Variants in IQUB observed in about 807,000 individuals in gnomAD.
IQUB encodes IQ motif and ubiquitin-like domain-containing protein.
IQUB carries 86 observed loss-of-function variants against 86.4 expected under a neutral mutation model. That is an observed-to-expected ratio of 1.00 (90% CI 0.84 to 1.19). IQUB has a LOEUF of 1.19. IQUB is among the 50% of genes most tolerant of loss of function. IQUB has a pLI of 0.00. For synonymous variants in IQUB, 289 were observed against 304.5 expected, an observed-to-expected ratio of 0.95 and a Z score of 0.53; for missense variants, 946 against 916.9, an observed-to-expected ratio of 1.03 and a Z score of -0.41.
Position 123,510,187 on chromosome 7 carries a change from A to AT in IQUB, c.398-153dup, listed in dbSNP as rs143063302. 8.9e-4 allele frequency: 491 copies of AT among 554,626 alleles called. 5 individuals carry two copies. The East Asian group carries it at 0.014, about 15-fold the overall frequency. 34.4% of individuals were successfully genotyped at this position (554,626 alleles called of 1,614,324 possible). ...AGTGTTTCCCTGCTGTGCCCCAATG[A>AT]TAACAGTTACTTTTAATTTTCTATA... On this transcript the variant is annotated intron_variant, in intron 2 of 12. Coordinates refer to ENST00000324698, the MANE Select transcript of IQUB (RefSeq NM_178827.5).
intron 7 of IQUB, among the ~76,000 whole-genome samples, chr7:123,488,203 C>T (rs1396219630): frequency 3.3e-5 from 5 of 151,548 alleles, no homozygotes; most frequent in Admixed American, 6.6e-5. Context: ...TATCCGGGCG[C>T]GGTGGCCGGC....
intron 1 of IQUB, among the ~76,000 whole-genome samples, chr7:123,526,490 G>A (rs889520316): frequency 1.3e-5 from 2 of 152,070 alleles, no homozygotes; most frequent in Non-Finnish European, 2.9e-5. Flanking sequence ...GTTGGTTTAA[G>A]GTCTGTTTTA....
chr7:123,464,759 T>C, intron 10 of IQUB, 74 bp downstream of exon 10: 3 of 1,020,686 alleles, frequency 2.9e-6, no homozygotes. Context: ...TAAAGCAAAA[T>C]TTGAATATAC....
chr7:123,452,654 T>G lies in IQUB; in HGVS notation c.*89A>C. The G allele has an allele frequency of 2.5e-6, 2 of 789,800 alleles. No individual in the cohort carries two copies. Among genetic ancestry groups the G allele is most frequent in the Non-Finnish European group, 1.9e-6 (1 of 532,674 alleles). 48.9% of individuals were successfully genotyped at this position (789,800 alleles called of 1,614,324 possible). On this transcript the variant is annotated 3_prime_UTR_variant, in exon 13 of 13. Coordinates refer to ENST00000324698, the MANE Select transcript of IQUB (RefSeq NM_178827.5). The stretch of plus-strand genomic sequence containing the variant: ...CAAAAAACAAAATCAATAAACAGAT[T>G]AAATTCCATTTCCATACTCTGTGAC...
rs764624584 is a variant in IQUB at position 123,502,990 on chromosome 7, G to T, written c.821C>A (p.Pro274His). 6.2e-7 allele frequency: 1 copy of T among 1,612,686 alleles called. No individual in the cohort carries two copies. The highest frequency in any genetic ancestry group is 1.3e-5 in the African/African-American group (1 of 74,894). The change falls in exon 5 of 13, where the codon CCT becomes CAT. Residue 274 changes from proline to histidine, a missense_variant. Coordinates refer to ENST00000324698, the MANE Select transcript of IQUB (RefSeq NM_178827.5). ...EYHNAGTQTV[P>H]KRIPERLSIF... is the part of the protein sequence containing the mutation. ...ACTGAGTCTTTCGGGAATCCTTTTA[G>T]GTACAGTTTGTGTTCCAGCATTGTG...
chr7:123,466,065 A>G (rs977466969), intron 9 of IQUB, among the ~76,000 whole-genome samples: 7 of 152,072 alleles, frequency 4.6e-5, no homozygotes, highest in Non-Finnish European at 1.0e-4. Context: ...TTATGTTTAT[A>G]TATGTGTGTG....
At chr7:123,481,324 G>C (rs995646861) in intron 7 of IQUB, among the ~76,000 whole-genome samples, 1 of 152,016 alleles carries the variant, frequency 6.6e-6, no homozygotes, top group African/African-American at 2.4e-5. Flanking sequence ...TTCTGTCCAT[G>C]TAAGTCAAGC....
At chr7:123,526,259 T>C (rs1584659361) in intron 1 of IQUB, among the ~76,000 whole-genome samples, 1 of 152,194 alleles carries the variant, frequency 6.6e-6, no homozygotes, top group East Asian at 1.9e-4. Context: ...GGTATCTTTG[T>C]TGACTTTCTG....
intron 8 of IQUB, among the ~76,000 whole-genome samples, chr7:123,471,358 C>T (rs1489207900): frequency 6.6e-6 from 1 of 152,080 alleles, no homozygotes; most frequent in African/African-American, 2.4e-5. Context: ...TATTTTAAAG[C>T]TCTTTTTAAA....
At chr7:123,468,690 T>C (rs1794374961) in intron 9 of IQUB, among the ~76,000 whole-genome samples, 1 of 152,250 alleles carries the variant, frequency 6.6e-6, no homozygotes, top group African/African-American at 2.4e-5. Flanking sequence ...TTCTGATTTC[T>C]CTACTGCCTC....
intron 1 of IQUB, among the ~76,000 whole-genome samples, chr7:123,529,906 G>T (rs1203294982): frequency 2.0e-5 from 3 of 151,990 alleles, no homozygotes; most frequent in East Asian, 3.9e-4. Context: ...GGTGGCATGT[G>T]CCTGTAATCC....
intron 12 of IQUB, among the ~76,000 whole-genome samples, chr7:123,454,789 G>A (rs1159637429): frequency 6.6e-6 from 1 of 152,042 alleles, no homozygotes; most frequent in Non-Finnish European, 1.5e-5. Flanking sequence ...TGGGTTTTGG[G>A]GAGGAAGACC....
chr7:123,462,852 AAAT>A (rs769419218), intron 10 of IQUB: 1 of 455,238 alleles, frequency 2.2e-6, no homozygotes, highest in Non-Finnish European at 4.4e-6. Context: ...TGCAAGAAAA[AAAT>A]AACTCATTCT....
At chr7:123,517,673 T>C (rs974773312) in intron 1 of IQUB, among the ~76,000 whole-genome samples, 1 of 151,958 alleles carries the variant, frequency 6.6e-6, no homozygotes, top group African/African-American at 2.4e-5. Flanking sequence ...CACAGGGAAC[T>C]GTCTTCCATG....
intron 1 of IQUB, among the ~76,000 whole-genome samples, chr7:123,514,431 G>A (rs936803626): frequency 2.0e-5 from 3 of 152,102 alleles, no homozygotes; most frequent in East Asian, 3.8e-4. Context: ...TGTCTGAAGT[G>A]CAACTTGGAA....
intron 7 of IQUB, among the ~76,000 whole-genome samples, chr7:123,491,614 T>G (rs1795468616): frequency 1.3e-5 from 2 of 152,124 alleles, no homozygotes; most frequent in African/African-American, 4.8e-5. Context: ...TTAAAGACAA[T>G]AACTATCAAA....
At chr7:123,475,702 C>A (rs1794719216) in intron 8 of IQUB, among the ~76,000 whole-genome samples, 1 of 152,104 alleles carries the variant, frequency 6.6e-6, no homozygotes, top group South Asian at 2.1e-4. Flanking sequence ...GAAGGCTCAG[C>A]ATCAAATAAA....
intron 1 of IQUB, among the ~76,000 whole-genome samples, chr7:123,513,702 G>A (rs147916711): frequency 0.017 from 2,516 of 152,288 alleles, 30 homozygotes; most frequent in Non-Finnish European, 0.025. Flanking sequence ...AGGCTGGAGT[G>A]CAGTGGTCCA....
At chr7:123,476,553 G>A (rs891117568) in intron 8 of IQUB, among the ~76,000 whole-genome samples, 2 of 152,054 alleles carry the variant, frequency 1.3e-5, no homozygotes, top group Non-Finnish European at 2.9e-5. Flanking sequence ...GGTCAGAGTT[G>A]TGTTTAGTGA....
Sources: gnomAD v4.1 joint callset for allele counts (sites outside exome capture counted in the v4.1 genomes callset) on GRCh38, gnomAD v4.1.1 for gene constraint, MANE v1.5 for transcripts, NCBI Gene and HGNC (gene_info 2026-07-23, HGNC 2026-07-21) for gene names.